CFAP107: variants seen among roughly 807,000 people sequenced by gnomAD.
CFAP107 encodes the protein cilia- and flagella-associated protein 107.
At chr1:12,753,453 G>T in the CFAP107 span, 1 of 151,590 alleles carries the variant, frequency 6.6e-6, no homozygotes, top group Non-Finnish European at 1.5e-5. Context: ...AGACTCACAT[G>T]TCTCAGTTTC....
chr1:12,746,489 C>A, the CFAP107 span: 1 of 1,613,670 alleles, frequency 6.2e-7, no homozygotes, highest in South Asian at 1.1e-5. Flanking sequence ...CAGATTGAGA[C>A]CAAGTATTCA....
the CFAP107 span, among the ~76,000 whole-genome samples, chr1:12,748,556 C>T: frequency 1.0e-3 from 155 of 151,628 alleles, 1 homozygote; most frequent in African/African-American, 2.2e-3. Flanking sequence ...GGGCTGACCC[C>T]AAGACTCAGA....
At chr1:12,760,842 A>G in the CFAP107 span, 8 of 1,614,186 alleles carry the variant, frequency 5.0e-6, no homozygotes, top group Middle Eastern at 1.6e-4. Flanking sequence ...GGCCTGAAGC[A>G]GAGCACTTAT....
At chr1:12,753,638 A>G in the CFAP107 span, 1 of 152,206 alleles carries the variant, frequency 6.6e-6, no homozygotes, top group African/African-American at 2.4e-5. Flanking sequence ...TTTCTTCAAT[A>G]AATGGTGTTC....
At chr1:12,759,578 C>G in the CFAP107 span, 1 of 1,446,234 alleles carries the variant, frequency 6.9e-7, no homozygotes, top group Non-Finnish European at 9.7e-7. Context: ...GAAGGAGCCA[C>G]ACAGGTGACC....
chr1:12,756,006 G>A, the CFAP107 span, among the ~76,000 whole-genome samples: 4 of 152,200 alleles, frequency 2.6e-5, no homozygotes, highest in African/African-American at 9.7e-5. Context: ...TCTGTTTAAT[G>A]TCAAACTGGT....
chr1:12,750,780 A>G, the CFAP107 span, among the ~76,000 whole-genome samples: 1 of 152,202 alleles, frequency 6.6e-6, no homozygotes, highest in African/African-American at 2.4e-5. Context: ...CAGTAATAGT[A>G]GAACAACCCT....
At chr1:12,762,501 G>A in the CFAP107 span, 3 of 152,120 alleles carry the variant, frequency 2.0e-5, no homozygotes, top group Non-Finnish European at 4.4e-5. Flanking sequence ...TATGTTTGTT[G>A]GATGAGTGGA....
At chr1:12,759,004 C>G in the CFAP107 span, among the ~76,000 whole-genome samples, 1 of 152,162 alleles carries the variant, frequency 6.6e-6, no homozygotes, top group Admixed American at 6.5e-5. Flanking sequence ...GCTGACTCTT[C>G]CCATTCAGCA....
the CFAP107 span, among the ~76,000 whole-genome samples, chr1:12,749,908 A>G: frequency 6.6e-6 from 1 of 152,236 alleles, no homozygotes; most frequent in East Asian, 1.9e-4. Context: ...GAAGCTGTGC[A>G]AAAATATAAA....
the CFAP107 span, among the ~76,000 whole-genome samples, chr1:12,751,195 A>C: frequency 1.3e-5 from 2 of 152,196 alleles, no homozygotes; most frequent in African/African-American, 4.8e-5. Flanking sequence ...ATCTCAAATT[A>C]GAAACCTAGC....
At chr1:12,746,271 A>C in the CFAP107 span, 2 of 517,242 alleles carry the variant, frequency 3.9e-6, no homozygotes, top group South Asian at 2.1e-5. Flanking sequence ...GGGCCGTTTT[A>C]TTCTCTGAGG....
the CFAP107 span, chr1:12,760,876 G>A: frequency 1.9e-5 from 30 of 1,613,968 alleles, 1 homozygote; most frequent in South Asian, 7.7e-5. Context: ...CCAGACCACC[G>A]TTGTGCGCTA....
At chr1:12,746,625 T>C in the CFAP107 span, 9 of 979,618 alleles carry the variant, frequency 9.2e-6, no homozygotes, top group East Asian at 9.9e-5. Context: ...TATTTTCAAA[T>C]GGAGGGCAGC....
chr1:12,760,446 C>T, the CFAP107 span, among the ~76,000 whole-genome samples: 2 of 152,196 alleles, frequency 1.3e-5, no homozygotes, highest in African/African-American at 4.8e-5. Context: ...CAGCTTCCTT[C>T]CCGACAGGGG....
the CFAP107 span, among the ~76,000 whole-genome samples, chr1:12,757,272 AC>A: frequency 2.0e-5 from 3 of 149,654 alleles, no homozygotes; most frequent in African/African-American, 7.4e-5. Flanking sequence ...TCCACCCACC[AC>A]CCCCCCGCAT....
the CFAP107 span, among the ~76,000 whole-genome samples, chr1:12,747,170 C>T: frequency 6.6e-6 from 1 of 151,852 alleles, no homozygotes; most frequent in Non-Finnish European, 1.5e-5. Flanking sequence ...CAGGCTCAAG[C>T]GATTCTCTTG....
At chr1:12,755,399 A>G in the CFAP107 span, among the ~76,000 whole-genome samples, 13 of 133,904 alleles carry the variant, frequency 9.7e-5, 1 homozygote, top group Non-Finnish European at 1.8e-4. Context: ...GTGAGACTCC[A>G]TGTCCAAAAA....
the CFAP107 span, among the ~76,000 whole-genome samples, chr1:12,751,392 C>A: frequency 2.0e-5 from 3 of 152,048 alleles, no homozygotes; most frequent in African/African-American, 7.2e-5. Context: ...TTTGGGAGGC[C>A]GAGGTGGGTG....
Sources: allele counts gnomAD v4.1 joint callset (sites outside exome capture counted in the v4.1 genomes callset), GRCh38; gene constraint gnomAD v4.1.1; transcripts MANE v1.5; gene names NCBI Gene and HGNC (gene_info 2026-07-23, HGNC 2026-07-21).